Variants in CRACDL observed in about 807,000 individuals in gnomAD.
CRACDL encodes CRACD-like protein.
Under a neutral mutation model 70.6 loss-of-function variants are expected in CRACDL, and 26 were observed. That is an observed-to-expected ratio of 0.37 (90% confidence interval 0.27 to 0.51). The LOEUF (loss-of-function observed/expected upper bound fraction) is 0.51. Among genes scored for constraint, CRACDL ranks in the 20% least tolerant of loss-of-function variants. The probability of loss-of-function intolerance (pLI) is 0.94; values close to 1 mark genes in which losing one functional copy is unlikely to be tolerated. For synonymous variants in CRACDL, 618 were observed against 615.2 expected (o/e 1.00, Z -0.07); for missense variants, 1,283 against 1,376.9 (o/e 0.93, Z 1.08).
At chr2:98,932,936 C>A (rs1709115470) in intron 1 of CRACDL, among the ~76,000 whole-genome samples, 1 of 152,190 alleles carries the variant, frequency 6.6e-6, no homozygotes, top group African/African-American at 2.4e-5. Context: ...TGAGCACCTA[C>A]CGCTGTGCAC....
intron 3 of CRACDL, among the ~76,000 whole-genome samples, chr2:98,834,322 T>C (rs1350104964): frequency 6.6e-6 from 1 of 152,238 alleles, no homozygotes; most frequent in South Asian, 2.1e-4. Flanking sequence ...AAACACCTAG[T>C]GCCCCTCAGT....
chr2:98,807,445 C>T (rs536313102), intron 7 of CRACDL, among the ~76,000 whole-genome samples: 3 of 152,134 alleles, frequency 2.0e-5, no homozygotes, highest in Non-Finnish European at 2.9e-5. Flanking sequence ...GCTGGTATAC[C>T]TCCCTTCCCC....
chr2:98,823,687 T>C lies in CRACDL; in HGVS notation c.736-150A>G. 1 of 955,664 alleles carries C rather than the reference T, an allele frequency of 1.0e-6. No homozygotes were observed. The highest frequency in any genetic ancestry group is 1.6e-6 in the Non-Finnish European group (1 of 633,196). 59.2% of individuals were successfully genotyped at this position (955,664 alleles called of 1,614,324 possible). ...TAGGCATGTACCCACGGGTGTCTTTTCTCAGTCTGTATCCTACTGGTCTAC... is the reference window on the plus strand; with the variant it reads ...TAGGCATGTACCCACGGGTGTCTTTCCTCAGTCTGTATCCTACTGGTCTAC... On this transcript the variant is annotated intron_variant, in intron 6 of 9. Coordinates refer to ENST00000397899, the MANE Select transcript of CRACDL (RefSeq NM_207362.3). The surrounding 1 kb of genome is among the most constrained non-coding windows in gnomAD (Gnocchi z 4.0).
intron 1 of CRACDL, among the ~76,000 whole-genome samples, chr2:98,866,472 CTTCTTTT>C (rs1707147305): frequency 1.2e-4 from 13 of 107,808 alleles, no homozygotes; most frequent in African/African-American, 1.8e-4. Context: ...ACAATCACTT[CTTCTTTT>C]TTTTTTTTTT....
chr2:98,909,011 A>G (rs551752750), intron 1 of CRACDL, among the ~76,000 whole-genome samples: 51 of 152,334 alleles, frequency 3.3e-4, no homozygotes, highest in South Asian at 2.5e-3. Context: ...CCCCGTGTTT[A>G]AAAGCTTCAT....
At chr2:98,924,624 G>A (rs1035849463) in intron 1 of CRACDL, among the ~76,000 whole-genome samples, 4 of 152,174 alleles carry the variant, frequency 2.6e-5, no homozygotes, top group African/African-American at 7.2e-5. Flanking sequence ...TGCTCACGCT[G>A]GGCCCAGCAA....
rs1704112283 is a variant in CRACDL, at chr2:98,802,265, C to T, written c.2417-4728G>A. Among the ~76,000 whole-genome samples, 6 of 152,282 alleles carry T rather than the reference C, an allele frequency of 3.9e-5. No individual in the cohort carries two copies. The South Asian group carries it at 1.0e-3, about 26-fold the overall frequency. The stretch of plus-strand genomic sequence containing the variant: ...GCCCAAGCCACACCAGTGTGCACCG[C>T]AGTCCCGCTATCCACGGCGGCGCTC... On this transcript the variant is annotated intron_variant, in intron 7 of 9. Transcript: ENST00000397899.
At chr2:98,931,858 T>A (rs967633671) in intron 1 of CRACDL, among the ~76,000 whole-genome samples, 1 of 152,198 alleles carries the variant, frequency 6.6e-6, no homozygotes, top group Non-Finnish European at 1.5e-5. Flanking sequence ...ATCATTTCAC[T>A]GCTAAATTCA....
intron 1 of CRACDL, among the ~76,000 whole-genome samples, chr2:98,922,164 G>A (rs747501599): frequency 1.3e-5 from 2 of 151,904 alleles, no homozygotes; most frequent in African/African-American, 2.4e-5. Flanking sequence ...AGCCGGGCAC[G>A]GTGGCTCACG....
At chr2:98,857,050 C>T (rs1573084391) in intron 1 of CRACDL, among the ~76,000 whole-genome samples, 1 of 152,320 alleles carries the variant, frequency 6.6e-6, no homozygotes, top group East Asian at 1.9e-4. Flanking sequence ...CATGGTGTGG[C>T]ATGCCATGCC....
chr2:98,847,946 C>T (rs573992146), intron 1 of CRACDL, among the ~76,000 whole-genome samples: 2 of 152,300 alleles, frequency 1.3e-5, no homozygotes, highest in Middle Eastern at 6.8e-3. Context: ...TTCATCCTCC[C>T]TACCAGCCAA....
intron 1 of CRACDL, among the ~76,000 whole-genome samples, chr2:98,884,364 A>G (rs1185569636): frequency 3.3e-5 from 5 of 152,242 alleles, no homozygotes; most frequent in Non-Finnish European, 7.3e-5. Context: ...CACTCTCTGC[A>G]CAGGTCTTCA....
chr2:98,797,275 T>C, intron 8 of CRACDL, 75 bp downstream of exon 8: 3 of 1,420,788 alleles, frequency 2.1e-6, no homozygotes, highest in Non-Finnish European at 2.9e-6. Flanking sequence ...ATGTGGTCCT[T>C]ACAGGGTCCT....
At chr2:98,877,778 A>C (rs904397301) in intron 1 of CRACDL, among the ~76,000 whole-genome samples, 5 of 152,036 alleles carry the variant, frequency 3.3e-5, no homozygotes, top group African/African-American at 1.2e-4. Context: ...AAAATAAATA[A>C]ATTTAGTATA....
intron 7 of CRACDL, among the ~76,000 whole-genome samples, chr2:98,803,901 G>C (rs1297759416): frequency 3.9e-5 from 6 of 152,178 alleles, no homozygotes; most frequent in Non-Finnish European, 7.4e-5. Context: ...CAGACACTAA[G>C]AGGACTTCTG....
chr2:98,898,818 A>G (rs1188346227), intron 1 of CRACDL, among the ~76,000 whole-genome samples: 1 of 152,266 alleles, frequency 6.6e-6, no homozygotes, highest in Non-Finnish European at 1.5e-5. Flanking sequence ...ACCTGTTCTC[A>G]TGCCTAGAAT....
intron 6 of CRACDL, among the ~76,000 whole-genome samples, chr2:98,826,731 G>T (rs1705316859): frequency 6.6e-6 from 1 of 152,224 alleles, no homozygotes; most frequent in Non-Finnish European, 1.5e-5. Flanking sequence ...AGTAGTGAGT[G>T]TGTGAGGAAT....
Position 98,823,005 on chromosome 2 carries a change from T to A in CRACDL, c.1268A>T (p.Glu423Val), listed in dbSNP as rs1044083074. 1 of 1,513,462 alleles carries A rather than the reference T, an allele frequency of 6.6e-7. No individual in the cohort carries two copies. 93.8% of individuals were successfully genotyped at this position (1,513,462 alleles called of 1,614,324 possible). A position where few individuals can be genotyped will look rare whatever the true frequency, so the allele number is the denominator to read the frequency against. ...TGGCCCGTCGCGAGCAGAGGGCGCC[T>A]CTGAGGTGGCGGCGGGGTCAGTCTC... ...PPETDPAATS[E>V]APSARDGPER... Residue 423 changes from glutamate to valine, a missense_variant, in exon 7 of 10, where the codon GAG (glutamate) becomes GTG (valine). By Grantham distance (121) the Glu-to-Val change is moderately radical (BLOSUM62 -2). This residue lies in a region of CRACDL where 921 missense variants were observed against 881.9 expected (regional missense o/e 1.04). Transcript: ENST00000397899. This position sits in a 1 kb window ranked among gnomAD's most constrained non-coding sequence, Gnocchi z 4.0.
Position 98,823,397 on chromosome 2 carries a change from C to T in CRACDL, c.876G>A (p.Glu292=), listed in dbSNP as rs534531677. Reference sequence around the variant, plus strand: ...GCGGCAAGGGCGCCGGTGGCCCAGGCTCAGGGCCTCTGTCTGGCGCCACGT... The same window carrying T: ...GCGGCAAGGGCGCCGGTGGCCCAGGTTCAGGGCCTCTGTCTGGCGCCACGT... ...QQDVAPDRGP[E]PGPPAPLPPP... is the part of the protein sequence containing the mutation. The change falls in exon 7 of 10, where the codon GAG becomes GAA. Residue 292 remains glutamate (E), a synonymous_variant. Transcript: ENST00000397899. The surrounding 1 kb of genome is among the most constrained non-coding windows in gnomAD (Gnocchi z 4.0). 27 of 1,551,932 alleles carry T rather than the reference C, an allele frequency of 1.7e-5. 1 individual carries two copies. The highest frequency in any genetic ancestry group is 1.9e-5 in the Admixed American group (1 of 53,264).
Sources: allele counts gnomAD v4.1 joint callset (sites outside exome capture counted in the v4.1 genomes callset), GRCh38; gene constraint gnomAD v4.1.1; regional missense constraint gnomAD v4.1.1; non-coding constraint Gnocchi (gnomAD v3.1); transcripts MANE v1.5; gene names NCBI Gene and HGNC (gene_info 2026-07-23, HGNC 2026-07-21).